OVOL2: variants seen among roughly 807,000 people sequenced by gnomAD.
OVOL2 encodes the protein ovo like zinc finger 2.
Under a neutral mutation model 18.1 loss-of-function variants are expected in OVOL2, and 13 were observed. The observed-to-expected ratio is 0.72, with a 90% confidence interval of 0.47 to 1.14. The LOEUF is 1.14. Ranked by LOEUF, OVOL2 falls within the 50% of genes most tolerant of loss-of-function variation. The probability of loss-of-function intolerance (pLI) is 0.00; values close to 1 mark genes in which losing one functional copy is unlikely to be tolerated. For synonymous variants in OVOL2, 166 were observed against 162.7 expected, an observed-to-expected ratio of 1.02 and a Z score of -0.16; for missense variants, 335 against 383.0, an observed-to-expected ratio of 0.87 and a Z score of 1.05.
chr20:18,030,232 C>T (rs939811773), intron 3 of OVOL2, among the ~76,000 whole-genome samples: 1 of 152,188 alleles, frequency 6.6e-6, no homozygotes, highest in African/African-American at 2.4e-5. Flanking sequence ...TGGGCCCATG[C>T]AGCAGCGAGC....
At chr20:18,043,027 A>G (rs1358441287) in intron 2 of OVOL2, among the ~76,000 whole-genome samples, 1 of 152,204 alleles carries the variant, frequency 6.6e-6, no homozygotes, top group East Asian at 1.9e-4. Context: ...CAGCATGGCC[A>G]TGGACTACCT....
intron 3 of OVOL2, among the ~76,000 whole-genome samples, chr20:18,039,623 G>GAAA (rs1395527373): frequency 3.3e-5 from 4 of 120,942 alleles, no homozygotes; most frequent in Non-Finnish European, 6.5e-5. Flanking sequence ...AAAAAAAAAA[G>GAAA]AAAGAAAGAA....
At chr20:18,049,370 T>A (rs1427601808) in intron 2 of OVOL2, among the ~76,000 whole-genome samples, 1 of 152,118 alleles carries the variant, frequency 6.6e-6, no homozygotes, top group Non-Finnish European at 1.5e-5. Flanking sequence ...AAGAACAACT[T>A]TTATTTTCTG....
Position 18,056,543 on chromosome 20 carries a change from C to T in OVOL2, c.321+114G>A. 1 of 1,108,124 alleles carries T rather than the reference C, an allele frequency of 9.0e-7. No homozygotes were observed. 68.6% of individuals were successfully genotyped at this position (1,108,124 alleles called of 1,614,324 possible). On this transcript the variant is annotated intron_variant, in intron 2 of 3. Transcript: ENST00000278780. The surrounding 1 kb of genome is among the most constrained non-coding windows in gnomAD (Gnocchi z 4.2). ...GCAGGAGCGGCGCGGCGGGCGCGCT[C>T]GGGGCGCGGGTGCCGGGTTGCGCAG...
chr20:18,043,554 C>T (rs1409960950), intron 2 of OVOL2, among the ~76,000 whole-genome samples: 2 of 152,190 alleles, frequency 1.3e-5, no homozygotes, highest in Non-Finnish European at 2.9e-5. Flanking sequence ...CTCAGGGCTG[C>T]CACCAGCTGA....
intron 2 of OVOL2, among the ~76,000 whole-genome samples, chr20:18,042,861 C>T (rs952200786): frequency 7.2e-5 from 11 of 151,894 alleles, no homozygotes; most frequent in Non-Finnish European, 1.6e-4. Context: ...GTTCCCCTTC[C>T]GCCTTCTATG....
chr20:18,037,150 A>AAAAG lies in OVOL2; in HGVS notation c.511+4380_511+4383dup, dbSNP rs1555795020. ...GACTCCGTCTCAAAAAAAAAAAAAA[A>AAAAG]AAAGAAAGAAACTGCAACAGGGCAG... On this transcript the variant is annotated intron_variant, in intron 3 of 3. Transcript: ENST00000278780. 3.4e-3 allele frequency among the ~76,000 whole-genome samples: 492 copies of AAAAG among 146,330 alleles called. 1 individual carries two copies. The highest frequency in any genetic ancestry group is 0.011 in the Middle Eastern group (3 of 270).
intron 2 of OVOL2, among the ~76,000 whole-genome samples, chr20:18,054,766 C>CAAAAA (rs745367889): frequency 0.02 from 1,240 of 63,094 alleles, 36 homozygotes; most frequent in East Asian, 0.16. Flanking sequence ...AACTCCATCT[C>CAAAAA]AAAAAAAAAA....
At chr20:18,027,030 G>A (rs982120873) in intron 3 of OVOL2, among the ~76,000 whole-genome samples, 3 of 152,178 alleles carry the variant, frequency 2.0e-5, no homozygotes, top group Non-Finnish European at 4.4e-5. Flanking sequence ...GGATCATCTG[G>A]ACCTCAAATC....
Position 18,056,065 on chromosome 20 carries a change from T to C in OVOL2, c.321+592A>G, listed in dbSNP as rs769823904. Among the ~76,000 whole-genome samples, 3 of 152,162 alleles carry C rather than the reference T, an allele frequency of 2.0e-5. No homozygotes were observed. The highest frequency in any genetic ancestry group is 4.4e-5 in the Non-Finnish European group (3 of 68,040). On this transcript the variant is annotated intron_variant, in intron 2 of 3. Coordinates refer to ENST00000278780, the MANE Select transcript of OVOL2 (RefSeq NM_021220.4). This position sits in a 1 kb window ranked among gnomAD's most constrained non-coding sequence, Gnocchi z 4.2. ...TAGTTGAACCCTTTTACCCATCAAT[T>C]TAATTCAAGATTGGAAAGATGACAG... is the stretch of plus-strand genomic sequence containing the variant.
intron 2 of OVOL2, among the ~76,000 whole-genome samples, chr20:18,055,755 C>G (rs538259406): frequency 6.6e-6 from 1 of 152,200 alleles, no homozygotes; most frequent in African/African-American, 2.4e-5. Context: ...GAATTACCAC[C>G]TGCACCGGGG....
At chr20:18,048,580 G>A (rs984500795) in intron 2 of OVOL2, among the ~76,000 whole-genome samples, 2 of 152,066 alleles carry the variant, frequency 1.3e-5, no homozygotes, top group Non-Finnish European at 2.9e-5. Context: ...ACAAAAATTA[G>A]CTGGGCATGG....
rs115109612 is a variant in OVOL2 at position 18,036,268 on chromosome 20, C to T, written c.511+5266G>A. Among the ~76,000 whole-genome samples, 1,330 of 152,032 alleles carry T rather than the reference C, an allele frequency of 8.7e-3. 25 individuals carry two copies. The highest frequency in any genetic ancestry group is 0.031 in the African/African-American group (1,266 of 41,450). On this transcript the variant is annotated intron_variant, in intron 3 of 3. Coordinates refer to ENST00000278780, the MANE Select transcript of OVOL2 (RefSeq NM_021220.4). ...AGATCAAGCCATTGCACTTCAGCCT[C>T]GGCGACAAGAGCAAAACTCCATCTC...
chr20:18,054,336 A>T (rs930576234), intron 2 of OVOL2, among the ~76,000 whole-genome samples: 2 of 152,026 alleles, frequency 1.3e-5, no homozygotes, highest in Non-Finnish European at 2.9e-5. Flanking sequence ...GAGCATTTTT[A>T]CCTCCTGCTG....
intron 3 of OVOL2, among the ~76,000 whole-genome samples, chr20:18,039,619 A>AAAG (rs1488972460): frequency 3.7e-5 from 5 of 136,498 alleles, no homozygotes; most frequent in South Asian, 2.3e-4. Context: ...AAAAAAAAAA[A>AAAG]AAAGAAAGAA....
intron 3 of OVOL2, among the ~76,000 whole-genome samples, chr20:18,034,963 G>A (rs1221516566): frequency 6.6e-6 from 1 of 152,046 alleles, no homozygotes; most frequent in Non-Finnish European, 1.5e-5. Context: ...TCCAACAAAG[G>A]GTCCTCGGCC....
intron 3 of OVOL2, among the ~76,000 whole-genome samples, chr20:18,026,676 G>A (rs567245549): frequency 6.6e-6 from 1 of 152,024 alleles, no homozygotes; most frequent in South Asian, 2.1e-4. Context: ...CCACCGCGCC[G>A]GGCCCAGGAA....
intron 2 of OVOL2, among the ~76,000 whole-genome samples, chr20:18,047,652 G>C (rs1210751830): frequency 1.3e-5 from 2 of 149,494 alleles, no homozygotes; most frequent in African/African-American, 5.0e-5. Context: ...TCAGGAGTTC[G>C]AGACCAGCCT....
rs1468792432 is a variant in OVOL2 at position 18,056,831 on chromosome 20, G to A, written c.147C>T (p.Ser49=). 2.0e-6 allele frequency: 3 copies of A among 1,490,014 alleles called. No homozygotes were observed. The highest frequency in any genetic ancestry group is 1.5e-5 in the African/African-American group (1 of 68,668). 92.3% of individuals were successfully genotyped at this position (1,490,014 alleles called of 1,614,324 possible). A position where few individuals can be genotyped will look rare whatever the true frequency, so the allele number is the denominator to read the frequency against. Residue 49 remains serine, a synonymous_variant, in exon 2 of 4, where the codon AGC becomes AGT. Transcript: ENST00000278780. This position sits in a 1 kb window ranked among gnomAD's most constrained non-coding sequence, Gnocchi z 4.2. Reference sequence around the variant, plus strand: ...CGCTGCCGCTGCTGCTGCCGCCGTCGCTGCGGCAGTCCTCGGGGGGGTCGT... The same window carrying A: ...CGCTGCCGCTGCTGCTGCCGCCGTCACTGCGGCAGTCCTCGGGGGGGTCGT... ...LLHDPPEDCR[S]DGGSSSGSGS... is the part of the protein sequence containing the mutation.
Sources: allele counts gnomAD v4.1 joint callset (sites outside exome capture counted in the v4.1 genomes callset), GRCh38; gene constraint gnomAD v4.1.1; non-coding constraint Gnocchi (gnomAD v3.1); transcripts MANE v1.5; gene names NCBI Gene and HGNC (gene_info 2026-07-23, HGNC 2026-07-21).